The following PKP1 variants were observed in gnomAD, a reference collection of about 807,000 sequenced individuals.
PKP1 encodes the protein plakophilin 1.
In PKP1, 27 loss-of-function variants were observed where a neutral mutation model predicts 76.4. That is an observed-to-expected ratio of 0.35 (90% CI 0.26 to 0.49). The LOEUF is 0.49. Ranked by LOEUF, PKP1 falls within the 20% of genes least tolerant of loss-of-function variation. PKP1 has a pLI of 0.99. For synonymous variants in PKP1, 404 were observed against 384.2 expected (o/e 1.05, Z -0.60); for missense variants, 964 against 955.2 (o/e 1.01, Z -0.12).
chr1:201,290,825 C>T (rs773287675), intron 1 of PKP1, among the ~76,000 whole-genome samples: 3 of 152,124 alleles, frequency 2.0e-5, no homozygotes, highest in African/African-American at 4.8e-5. Flanking sequence ...GAGACTTGTA[C>T]GGGCGTGAGA....
chr1:201,294,696 C>G, intron 2 of PKP1, among the ~76,000 whole-genome samples: 1 of 152,308 alleles, frequency 6.6e-6, no homozygotes, highest in South Asian at 2.1e-4. Context: ...TACAATAATT[C>G]TTAAGATTAT....
At chr1:201,287,416 C>T (rs966989422) in intron 1 of PKP1, among the ~76,000 whole-genome samples, 6 of 152,158 alleles carry the variant, frequency 3.9e-5, no homozygotes, top group Non-Finnish European at 7.3e-5. Context: ...AGCTTCTGCC[C>T]GAGTGTTCTG....
Position 201,317,724 on chromosome 1 carries a change from G to C in PKP1, c.999G>C (p.Glu333Asp), listed in dbSNP as rs1306748849. ...CCCGGAGGCAGAATGGGATCCGCGA[G>C]GCAGTCAGCCTCCTGAGGAGAACCG... ...LETRRQNGIR[E>D]AVSLLRRTGN... Residue 333 changes from glutamate to aspartate, a missense_variant, in exon 5 of 14, where the codon GAG becomes GAC. Physicochemically the swap from Glu to Asp is conservative, Grantham distance 45. Coordinates refer to ENST00000367324, the MANE Select transcript of PKP1 (RefSeq NM_001005337.3). 6.2e-7 allele frequency: 1 copy of C among 1,613,974 alleles called. No individual in the cohort carries two copies. The highest frequency in any genetic ancestry group is 1.3e-5 in the African/African-American group (1 of 75,028).
intron 2 of PKP1, among the ~76,000 whole-genome samples, chr1:201,304,061 G>A (rs187354270): frequency 6.6e-6 from 1 of 152,318 alleles, no homozygotes; most frequent in Non-Finnish European, 1.5e-5. Context: ...CCTGTGGGAG[G>A]ATTGCCCTCT....
At chr1:201,286,096 C>G (rs1420589856) in intron 1 of PKP1, among the ~76,000 whole-genome samples, 1 of 152,192 alleles carries the variant, frequency 6.6e-6, no homozygotes, top group Non-Finnish European at 1.5e-5. Flanking sequence ...ACCCAAACGT[C>G]CCCTATTTGC....
intron 12 of PKP1, chr1:201,328,318 G>C (rs1023486): frequency 0.27 from 82,215 of 304,120 alleles, 11,309 homozygotes; most frequent in African/African-American, 0.32. Flanking sequence ...TTACCAGTGC[G>C]AGCCCCCTGC....
intron 2 of PKP1, among the ~76,000 whole-genome samples, chr1:201,310,972 C>T (rs746759891): frequency 1.3e-5 from 2 of 152,238 alleles, no homozygotes; most frequent in African/African-American, 2.4e-5. Flanking sequence ...AGCCCAAAGC[C>T]TCTGAGAGGC....
At chr1:201,312,981 G>T (rs1656604358) in intron 2 of PKP1, among the ~76,000 whole-genome samples, 185 bp from the exon 3 acceptor site, 1 of 152,132 alleles carries the variant, frequency 6.6e-6, no homozygotes, top group Non-Finnish European at 1.5e-5. Flanking sequence ...AATCCACAAT[G>T]GGTCACAGCC....
At chr1:201,301,953 C>T (rs1339004047) in intron 2 of PKP1, among the ~76,000 whole-genome samples, 1 of 152,202 alleles carries the variant, frequency 6.6e-6, no homozygotes. Context: ...CCAAGCCTTG[C>T]TTCCCCAGCT....
chr1:201,316,814 C>A, intron 4 of PKP1, 117 bp downstream of exon 4: 1 of 1,134,880 alleles, frequency 8.8e-7, no homozygotes, highest in South Asian at 1.3e-5. Flanking sequence ...TTGCCTTGCC[C>A]AGCTGCCAGG....
At chr1:201,310,843 T>C (rs1046442645) in intron 2 of PKP1, among the ~76,000 whole-genome samples, 1 of 152,178 alleles carries the variant, frequency 6.6e-6, no homozygotes, top group African/African-American at 2.4e-5. Context: ...TGTCTCTGCC[T>C]TCCCCACCTT....
rs374842715 is a variant in PKP1 at position 201,318,201 on chromosome 1, G to A, written c.1055-417G>A. On this transcript the variant is annotated intron_variant, in intron 5 of 13. Coordinates refer to ENST00000367324, the MANE Select transcript of PKP1 (RefSeq NM_001005337.3). The stretch of plus-strand genomic sequence containing the variant: ...GGGGGCACAAGAGGAAGAGGTCACC[G>A]TGAAGACCTAGAATTGGGCTGGGAA... 7.6e-4 allele frequency among the ~76,000 whole-genome samples: 115 copies of A among 152,302 alleles called. 1 individual carries two copies. The highest frequency in any genetic ancestry group is 2.3e-3 in the South Asian group (11 of 4,822).
At chr1:201,325,922 G>C (rs1392451488) in intron 12 of PKP1, 84 bp downstream of exon 12, 8 of 1,035,264 alleles carry the variant, frequency 7.7e-6, no homozygotes, top group African/African-American at 1.6e-5. Context: ...TCTGGGCTGG[G>C]CACTAGAGAA....
intron 2 of PKP1, among the ~76,000 whole-genome samples, chr1:201,308,584 T>G (rs1656437486): frequency 6.6e-6 from 1 of 151,852 alleles, no homozygotes; most frequent in South Asian, 2.1e-4. Context: ...CTTAGATAAA[T>G]GTAGGATTTG....
intron 2 of PKP1, among the ~76,000 whole-genome samples, chr1:201,311,826 T>C (rs1045278635): frequency 2.6e-5 from 4 of 152,198 alleles, no homozygotes; most frequent in African/African-American, 9.6e-5. Flanking sequence ...TCGATGTTGA[T>C]CCTCTACTAT....
Position 201,313,199 on chromosome 1 carries a change from A to C in PKP1, c.340A>C (p.Asn114His). 2 of 1,608,004 alleles carry C rather than the reference A, an allele frequency of 1.2e-6. No homozygotes were observed. The change falls in exon 3 of 14, where the codon AAC becomes CAC. Residue 114 changes from asparagine to histidine, a missense_variant. Transcript: ENST00000367324. ...YNGTLKREPD[N>H]RRFSSYSQME... ...TGGAACCCTCAAGCGGGAGCCTGAC[A>C]ACAGGCGCTTCAGCTCCTACAGCCA...
chr1:201,322,720 G>A (rs551818782), intron 8 of PKP1, among the ~76,000 whole-genome samples: 5 of 152,168 alleles, frequency 3.3e-5, no homozygotes, highest in Non-Finnish European at 7.3e-5. Context: ...GAAGGTTTGG[G>A]CCAAGGCTGC....
At chr1:201,303,316 T>G (rs979004999) in intron 2 of PKP1, among the ~76,000 whole-genome samples, 19 of 151,818 alleles carry the variant, frequency 1.3e-4, no homozygotes, top group Non-Finnish European at 1.6e-4. Flanking sequence ...GTTTTAGAGA[T>G]GGGGTCTCAC....
At chr1:201,320,231 T>G (rs1196227879) in intron 6 of PKP1, 36 bp from the exon 7 acceptor site, 1 of 1,310,742 alleles carries the variant, frequency 7.6e-7, no homozygotes, top group Non-Finnish European at 1.1e-6. Flanking sequence ...CTCTTCCCCC[T>G]TTCTCTGCCC....
Sources: gnomAD v4.1 joint callset for allele counts (sites outside exome capture counted in the v4.1 genomes callset) on GRCh38, gnomAD v4.1.1 for gene constraint, MANE v1.5 for transcripts, NCBI Gene and HGNC (gene_info 2026-07-23, HGNC 2026-07-21) for gene names.